DIAPH3: variants seen among roughly 807,000 people sequenced by gnomAD.
The protein encoded by DIAPH3 is diaphanous related formin 3.
Under a neutral mutation model 144.3 loss-of-function variants are expected in DIAPH3, and 117 were observed. The observed-to-expected ratio is 0.81, with a 90% CI of 0.70 to 0.95. The LOEUF (loss-of-function observed/expected upper bound fraction) is 0.95. DIAPH3 is among the 40% of genes least tolerant of loss of function. The probability of loss-of-function intolerance (pLI) is 0.00; values close to 1 mark genes in which losing one functional copy is unlikely to be tolerated. For missense variants in DIAPH3, 1,421 were observed against 1,412.7 expected, an observed-to-expected ratio of 1.01 and a Z score of -0.09; for synonymous variants, 519 against 488.9, an observed-to-expected ratio of 1.06 and a Z score of -0.81.
chr13:59,812,481 T>C (rs1417504224), intron 24 of DIAPH3, among the ~76,000 whole-genome samples: 2 of 151,988 alleles, frequency 1.3e-5, no homozygotes, highest in Admixed American at 6.6e-5. Context: ...TTCTATATGG[T>C]AGGGTGCGGC....
At chr13:59,721,454 C>T (rs989213349) in intron 27 of DIAPH3, among the ~76,000 whole-genome samples, 4 of 151,888 alleles carry the variant, frequency 2.6e-5, no homozygotes, top group Non-Finnish European at 4.4e-5. Context: ...GAGGAAGAAC[C>T]GTATTTCAGT....
In DIAPH3 at chr13:59,952,949, T is replaced by G. The variant is rs185740306; in HGVS notation, c.2074+16995A>C. On this transcript the variant is annotated intron_variant, in intron 17 of 27. Transcript: ENST00000400324. ...ACAAAGAGCTCTTTAGTAAAGGAGC[T>G]TAAATTCCAGTGGGAGTAGGGAGAG... 3.9e-5 allele frequency among the ~76,000 whole-genome samples: 6 copies of G among 152,272 alleles called. No homozygotes were observed. The East Asian group carries it at 1.2e-3, about 29-fold the overall frequency.
intron 4 of DIAPH3, among the ~76,000 whole-genome samples, chr13:60,079,323 A>G (rs1289066880): frequency 6.6e-6 from 1 of 152,056 alleles, no homozygotes; most frequent in Non-Finnish European, 1.5e-5. Context: ...AAGGCTACAC[A>G]TCTACTTCCA....
At chr13:60,108,433 A>G (rs2058479142) in intron 3 of DIAPH3, among the ~76,000 whole-genome samples, 2 of 151,984 alleles carry the variant, frequency 1.3e-5, no homozygotes, top group South Asian at 4.1e-4. Context: ...ACATGGTGAA[A>G]CCACATCTCT....
At chr13:59,810,284 C>T (rs945241038) in intron 25 of DIAPH3, among the ~76,000 whole-genome samples, 4 of 152,106 alleles carry the variant, frequency 2.6e-5, no homozygotes, top group African/African-American at 7.2e-5. Context: ...CTCAACCTCC[C>T]GAGTAGCTGG....
At position 60,054,985 on chromosome 13, in the gene DIAPH3, C is replaced by A. The variant is rs571107068; in HGVS notation, c.496-12165G>T. On this transcript the variant is annotated intron_variant, in intron 4 of 27. Coordinates refer to ENST00000400324, the MANE Select transcript of DIAPH3 (RefSeq NM_001042517.2). Reference sequence around the variant, plus strand: ...GAATATTGCAGAAAGGTGCATTCACCAACAAAATAAAGTTTAGCAAGGGAT... The same window carrying A: ...GAATATTGCAGAAAGGTGCATTCACAAACAAAATAAAGTTTAGCAAGGGAT... Among the ~76,000 whole-genome samples the A allele has an allele frequency of 7.2e-5, 11 of 151,820 alleles. No homozygotes were observed. The East Asian group carries it at 2.1e-3, about 29-fold the overall frequency.
intron 25 of DIAPH3, among the ~76,000 whole-genome samples, chr13:59,785,351 TTTA>T (rs1395030021): frequency 1.3e-5 from 2 of 152,212 alleles, no homozygotes; most frequent in African/African-American, 4.8e-5. Context: ...GGAAGTTTTA[TTTA>T]TTTTTTCCTT....
In DIAPH3 at chr13:60,010,599, T is replaced by A. The variant is rs1475227260; in HGVS notation, c.842A>T (p.His281Leu). 6.2e-7 allele frequency: 1 copy of A among 1,613,570 alleles called. No homozygotes were observed. Among genetic ancestry groups the A allele is most frequent in the Non-Finnish European group, 8.5e-7 (1 of 1,179,760 alleles). ...AACCACATCTGTCATCATATTGGGG[T>A]GTCTGGGATCCACGGCTTTGGCCAA... ...SLLAKAVDPR[H>L]PNMMTDVVKL... The change falls in exon 8 of 28, where the codon CAC (histidine) becomes CTC (leucine). Residue 281 changes from histidine to leucine, a missense_variant. Physicochemically the swap from His to Leu is moderately conservative, Grantham distance 99 (BLOSUM62 -3). Transcript: ENST00000400324.
At position 59,705,304 on chromosome 13, in the gene DIAPH3, G is replaced by A. The variant is rs186002929; in HGVS notation, c.3320-38458C>T. ...ACCCTAATTAACCACAAACCCCTTC[G>A]AAAGTTTCTGTGGGAAGTTATACTC... On this transcript the variant is annotated intron_variant, in intron 27 of 27. Coordinates refer to ENST00000400324, the MANE Select transcript of DIAPH3 (RefSeq NM_001042517.2). 2.0e-4 allele frequency among the ~76,000 whole-genome samples: 31 copies of A among 152,258 alleles called. 1 individual carries two copies. In the East Asian group the frequency reaches 5.4e-3, roughly 27 times the overall value.
At chr13:60,099,517 G>A (rs1436682602) in intron 3 of DIAPH3, among the ~76,000 whole-genome samples, 2 of 152,102 alleles carry the variant, frequency 1.3e-5, no homozygotes, top group Non-Finnish European at 2.9e-5. Context: ...GCTGCCCCAC[G>A]TCACAAGAGA....
chr13:59,677,904 T>C (rs78638111), intron 27 of DIAPH3, among the ~76,000 whole-genome samples: 4,063 of 152,260 alleles, frequency 0.027, 83 homozygotes, highest in Non-Finnish European at 0.039. Flanking sequence ...ATCTGAATGC[T>C]AATAATGCAA....
chr13:59,937,434 T>C (rs967679591), intron 17 of DIAPH3, among the ~76,000 whole-genome samples: 32 of 152,176 alleles, frequency 2.1e-4, no homozygotes, highest in Non-Finnish European at 1.5e-4. Flanking sequence ...TGGTGTCGAA[T>C]GGAAAGAGTT....
intron 4 of DIAPH3, among the ~76,000 whole-genome samples, chr13:60,085,367 G>A (rs2057712929): frequency 2.6e-5 from 4 of 151,978 alleles, no homozygotes; most frequent in Non-Finnish European, 5.9e-5. Context: ...TTTAAATTCT[G>A]TCAATTCCTG....
intron 1 of DIAPH3, among the ~76,000 whole-genome samples, chr13:60,157,277 G>A (rs369663328): frequency 6.1e-4 from 93 of 152,158 alleles, no homozygotes; most frequent in Middle Eastern, 3.4e-3. Context: ...CATATGTAGC[G>A]CAGTACATGG....
At chr13:60,014,117 T>C (rs2053468760) in intron 7 of DIAPH3, among the ~76,000 whole-genome samples, 1 of 152,182 alleles carries the variant, frequency 6.6e-6, no homozygotes, top group South Asian at 2.1e-4. Context: ...AATTTAACCA[T>C]GATATTCTTC....
At chr13:59,767,039 T>C (rs1446190178) in intron 27 of DIAPH3, among the ~76,000 whole-genome samples, 2 of 152,164 alleles carry the variant, frequency 1.3e-5, no homozygotes, top group Non-Finnish European at 2.9e-5. Flanking sequence ...GCTCCTCCTC[T>C]GGCTTCTCTT....
chr13:60,023,627 T>A (rs1053555991), intron 5 of DIAPH3, among the ~76,000 whole-genome samples: 2 of 151,412 alleles, frequency 1.3e-5, no homozygotes, highest in Admixed American at 1.3e-4. Context: ...AGAGACAGGG[T>A]TTCACCATTT....
intron 27 of DIAPH3, among the ~76,000 whole-genome samples, chr13:59,764,762 G>C (rs1318605010): frequency 2.0e-5 from 3 of 152,018 alleles, no homozygotes; most frequent in East Asian, 3.9e-4. Context: ...AGCTAGGAGA[G>C]AGGCATGGAA....
intron 27 of DIAPH3, among the ~76,000 whole-genome samples, chr13:59,741,623 G>A (rs757745672): frequency 2.6e-5 from 4 of 151,222 alleles, no homozygotes; most frequent in Middle Eastern, 3.5e-3. Context: ...GAGCTGAGGT[G>A]GAAGGATTGC....
Sources: gnomAD v4.1 joint callset for allele counts (sites outside exome capture counted in the v4.1 genomes callset) on GRCh38, gnomAD v4.1.1 for gene constraint, MANE v1.5 for transcripts, NCBI Gene and HGNC (gene_info 2026-07-23, HGNC 2026-07-21) for gene names.